Variants in KLHL12 observed in about 807,000 individuals in gnomAD.
KLHL12 encodes kelch like family member 12.
Under a neutral mutation model 60.8 loss-of-function variants are expected in KLHL12, and 17 were observed. The observed-to-expected ratio is 0.28, with a 90% CI of 0.19 to 0.42. The LOEUF is 0.42. Ranked by LOEUF, KLHL12 falls within the 10% of genes least tolerant of loss-of-function variation. The probability of loss-of-function intolerance (pLI) is 1.00; values close to 1 mark genes in which losing one functional copy is unlikely to be tolerated. For missense variants in KLHL12, 468 were observed against 722.3 expected (o/e 0.65, Z 4.04); for synonymous variants, 220 against 250.9 (o/e 0.88, Z 1.16).
At chr1:202,910,674 T>C (rs1365526495) in intron 5 of KLHL12, among the ~76,000 whole-genome samples, 1 of 152,214 alleles carries the variant, frequency 6.6e-6, no homozygotes, top group Non-Finnish European at 1.5e-5. Context: ...ACTCCTTTCA[T>C]GCTGGCTTTA....
At chr1:202,901,553 C>T (rs1031636065) in intron 6 of KLHL12, among the ~76,000 whole-genome samples, 2 of 151,694 alleles carry the variant, frequency 1.3e-5, no homozygotes, top group East Asian at 1.9e-4. Context: ...GCTTCTGCTT[C>T]GGCCTCCCAA....
chr1:202,919,997 T>C, intron 2 of KLHL12, 89 bp from the exon 3 acceptor site: 1 of 1,141,706 alleles, frequency 8.8e-7, no homozygotes, highest in East Asian at 2.5e-5. Context: ...GAGATGTTAA[T>C]AATATTAATT....
chr1:202,926,274 G>C (rs957203321), intron 1 of KLHL12, among the ~76,000 whole-genome samples: 1 of 152,034 alleles, frequency 6.6e-6, no homozygotes, highest in South Asian at 2.1e-4. Context: ...TTAAAGAATC[G>C]ATATTGGAAT....
At chr1:202,899,449 G>C (rs1454328744) in intron 6 of KLHL12, among the ~76,000 whole-genome samples, 7 of 152,218 alleles carry the variant, frequency 4.6e-5, no homozygotes, top group Middle Eastern at 3.4e-3. Context: ...TTTTCTAAGA[G>C]GGCACTTGTC....
intron 2 of KLHL12, among the ~76,000 whole-genome samples, chr1:202,922,936 T>G (rs909592367): frequency 6.6e-6 from 1 of 151,848 alleles, no homozygotes; most frequent in Non-Finnish European, 1.5e-5. Context: ...AGATGACATT[T>G]GAGGAGCATT....
chr1:202,914,242 C>T (rs1459210172), intron 4 of KLHL12, among the ~76,000 whole-genome samples: 4 of 152,106 alleles, frequency 2.6e-5, no homozygotes, highest in African/African-American at 9.7e-5. Flanking sequence ...GTGGGTAGAA[C>T]AGTTTAAAGG....
intron 5 of KLHL12, 137 bp downstream of exon 5, chr1:202,910,917 G>C (rs551269636): frequency 1.1e-6 from 1 of 913,020 alleles, no homozygotes; most frequent in East Asian, 2.5e-5. Flanking sequence ...GGACTACCCA[G>C]CACCACTCTC....
intron 5 of KLHL12, among the ~76,000 whole-genome samples, chr1:202,910,598 T>C (rs1156519687): frequency 6.6e-6 from 1 of 152,122 alleles, no homozygotes; most frequent in Non-Finnish European, 1.5e-5. Flanking sequence ...AGAACTTAAG[T>C]TGGAGAAACA....
chr1:202,902,751 A>G (rs2102418815), intron 6 of KLHL12, among the ~76,000 whole-genome samples: 1 of 152,232 alleles, frequency 6.6e-6, no homozygotes, highest in East Asian at 1.9e-4. Context: ...GCACTTTGGG[A>G]GGCCAAAGCA....
upstream of KLHL12, chr1:202,928,593 A>G (rs1307556084): frequency 8.4e-7 from 1 of 1,187,360 alleles, no homozygotes; most frequent in East Asian, 5.7e-5. Flanking sequence ...TGCGGCGAGA[A>G]TCCTCTGAGC....
intron 4 of KLHL12, chr1:202,911,899 AG>A (rs1660374130): frequency 1.2e-6 from 1 of 836,974 alleles, no homozygotes; most frequent in Admixed American, 1.7e-5. Context: ...CAATGAAGAA[AG>A]CCTGAGGAGC....
At position 202,925,002 on chromosome 1, in the gene KLHL12, C is replaced by T; in HGVS notation, c.161G>A (p.Cys54Tyr). The change falls in exon 2 of 12, where the codon TGT becomes TAT. Residue 54 changes from cysteine to tyrosine, a missense_variant. Coordinates refer to ENST00000367261, the MANE Select transcript of KLHL12 (RefSeq NM_021633.4). ...GAACATGGCACAGAAGTAATCACTA[C>T]AGGCAGCCAGCACAATCCGATGGGC... ...FPAHRIVLAA[C>Y]SDYFCAMFTS... 1 of 1,614,168 alleles carries T rather than the reference C, an allele frequency of 6.2e-7. No homozygotes were observed. Among genetic ancestry groups the T allele is most frequent in the Non-Finnish European group, 8.5e-7 (1 of 1,180,020 alleles).
intron 5 of KLHL12, 108 bp downstream of exon 5, chr1:202,910,946 G>T: frequency 7.8e-7 from 1 of 1,274,682 alleles, no homozygotes; most frequent in Non-Finnish European, 1.1e-6. Context: ...TCCTAGAGAG[G>T]CAAAACAGGA....
Position 202,927,070 on chromosome 1 carries a change from T to C in KLHL12, c.-46+19A>G, listed in dbSNP as rs1403483194. On this transcript the variant is annotated intron_variant, in intron 1 of 11. Transcript: ENST00000367261. ...ACAGGAAGGGAAGGGCTGACTGCCA[T>C]CACTTCCGCGCAACTCACCTCCGCT... The C allele has an allele frequency of 2.9e-5, 29 of 985,218 alleles. No individual in the cohort carries two copies. Among genetic ancestry groups the C allele is most frequent in the Non-Finnish European group, 3.0e-5 (25 of 829,950 alleles). The allele number at this position is 985,218 out of a possible 1,614,324, so 61.0% of individuals were successfully genotyped here.
chr1:202,909,174 T>C lies in KLHL12; in HGVS notation c.718-50A>G. ...TAGGCACTGGGGATACCTGTAATAC[T>C]ATAAGAGTACAAAGAGCACATGCAA... On this transcript the variant is annotated intron_variant, in intron 5 of 11. Transcript: ENST00000367261. This position sits in a 1 kb window ranked among gnomAD's most constrained non-coding sequence, Gnocchi z 4.1. 1 of 1,155,736 alleles carries C rather than the reference T, an allele frequency of 8.7e-7. No individual in the cohort carries two copies. Among genetic ancestry groups the C allele is most frequent in the Admixed American group, 1.8e-5 (1 of 55,552 alleles). The allele number at this position is 1,155,736 out of a possible 1,614,324, so 71.6% of individuals were successfully genotyped here.
At chr1:202,914,039 A>C (rs1331937545) in intron 4 of KLHL12, among the ~76,000 whole-genome samples, 1 of 152,208 alleles carries the variant, frequency 6.6e-6, no homozygotes, top group Non-Finnish European at 1.5e-5. Context: ...AAATGACTAG[A>C]AGGCTAGTGT....
intron 4 of KLHL12, among the ~76,000 whole-genome samples, chr1:202,917,256 C>G (rs1660550570): frequency 6.6e-6 from 1 of 152,140 alleles, no homozygotes; most frequent in Admixed American, 6.5e-5. Flanking sequence ...CCTCTGTTGC[C>G]TAGGCTAGAG....
At chr1:202,916,232 A>G (rs1660516370) in intron 4 of KLHL12, among the ~76,000 whole-genome samples, 1 of 152,260 alleles carries the variant, frequency 6.6e-6, no homozygotes, top group African/African-American at 2.4e-5. Flanking sequence ...TACAGAGCCC[A>G]GTATGTCAGG....
chr1:202,913,250 C>T (rs990333980), intron 4 of KLHL12, among the ~76,000 whole-genome samples: 3 of 152,164 alleles, frequency 2.0e-5, no homozygotes, highest in Non-Finnish European at 2.9e-5. Flanking sequence ...ACTGGAAGGA[C>T]TTAGGTATAT....
Sources: gnomAD v4.1 joint callset for allele counts (sites outside exome capture counted in the v4.1 genomes callset) on GRCh38, gnomAD v4.1.1 for gene constraint, Gnocchi (gnomAD v3.1) non-coding constraint, MANE v1.5 for transcripts, NCBI Gene and HGNC (gene_info 2026-07-23, HGNC 2026-07-21) for gene names.